Variants in CAST observed in about 807,000 individuals in gnomAD.
The protein encoded by CAST is calpastatin.
A neutral mutation model predicts 119.6 loss-of-function variants in CAST; 76 were observed. That is an observed-to-expected ratio of 0.64 (90% CI 0.53 to 0.77). The LOEUF is 0.77. CAST is among the 30% of genes least tolerant of loss of function. The pLI, the probability that CAST is intolerant of heterozygous loss-of-function variation, is 0.00. For missense variants in CAST, 953 were observed against 946.5 expected, an observed-to-expected ratio of 1.01 and a Z score of -0.09; for synonymous variants, 319 against 331.6, an observed-to-expected ratio of 0.96 and a Z score of 0.41.
the CAST span, among the ~76,000 whole-genome samples, chr5:96,259,979 A>T: frequency 3.3e-5 from 5 of 152,094 alleles, no homozygotes; most frequent in East Asian, 9.7e-4. Context: ...CTTCTATTTA[A>T]CAATTTACTC....
At chr5:96,700,420 G>T (rs947331182) in intron 3 of CAST, among the ~76,000 whole-genome samples, 4 of 152,074 alleles carry the variant, frequency 2.6e-5, no homozygotes, top group Non-Finnish European at 5.9e-5. Flanking sequence ...AATAACCAGG[G>T]CTTGAGAAAT....
chr5:96,742,273 G>A (rs1762847906), intron 15 of CAST: 1 of 164,420 alleles, frequency 6.1e-6, no homozygotes, highest in Admixed American at 6.1e-5. Flanking sequence ...TAGGTTGTCA[G>A]AAGCCTTTTT....
chr5:96,289,765 G>A, the CAST span, among the ~76,000 whole-genome samples: 19 of 152,128 alleles, frequency 1.2e-4, no homozygotes, highest in Non-Finnish European at 2.2e-4. Context: ...TTTCTCACGT[G>A]ATAATTGGAA....
the CAST span, among the ~76,000 whole-genome samples, chr5:96,178,463 C>T: frequency 2.6e-5 from 4 of 152,162 alleles, no homozygotes; most frequent in Admixed American, 2.6e-4. Flanking sequence ...TTAAAAAATA[C>T]TCAGTTCTCC....
At chr5:96,318,915 T>C in the CAST span, 10 of 152,338 alleles carry the variant, frequency 6.6e-5, no homozygotes, top group African/African-American at 1.9e-4. Context: ...ATTTACTCTT[T>C]TAAGTCTCAT....
the CAST span, among the ~76,000 whole-genome samples, chr5:96,302,086 C>G: frequency 6.6e-6 from 1 of 152,286 alleles, no homozygotes; most frequent in Admixed American, 6.5e-5. Context: ...TGGAGGATCC[C>G]AAGCCTCAAC....
chr5:96,411,732 A>G, the CAST span, among the ~76,000 whole-genome samples: 1 of 152,244 alleles, frequency 6.6e-6, no homozygotes, highest in African/African-American at 2.4e-5. Context: ...AATGTCCAGA[A>G]GCACTTTTAA....
chr5:96,393,142 C>G, the CAST span: 4 of 1,614,136 alleles, frequency 2.5e-6, no homozygotes, highest in Admixed American at 6.7e-5. Flanking sequence ...AAGGTTTGTT[C>G]AGCTTTTCCA....
At chr5:96,266,762 T>G in the CAST span, among the ~76,000 whole-genome samples, 23 of 152,304 alleles carry the variant, frequency 1.5e-4, no homozygotes, top group Non-Finnish European at 1.6e-4. Flanking sequence ...TGCAATGATA[T>G]AGATGTACAT....
chr5:96,472,427 T>G, the CAST span, among the ~76,000 whole-genome samples: 1 of 152,216 alleles, frequency 6.6e-6, no homozygotes. Context: ...TTGTGTGTGT[T>G]GCTATATTCC....
chr5:95,998,546 C>G, the CAST span, among the ~76,000 whole-genome samples: 1 of 152,152 alleles, frequency 6.6e-6, no homozygotes, highest in East Asian at 1.9e-4. Context: ...TTCACTTAGA[C>G]TAATGGCCTC....
rs780842817 is a variant in CAST, at chr5:96,770,554, C to T, written c.2292C>T (p.Ser764=). The change falls in exon 30 of 32, where the codon TCC becomes TCT. Residue 764 remains serine, a synonymous_variant. Transcript: ENST00000675179. The part of the protein sequence containing the change: ...TAKDKCKKAA[S]SSKAPKNGGK... Reference sequence around the variant, plus strand: ...AGGATAAGTGCAAGAAGGCTGCTTCCAGCTCCAAAGCACCTAAGAATGGAG... The same window carrying T: ...AGGATAAGTGCAAGAAGGCTGCTTCTAGCTCCAAAGCACCTAAGAATGGAG... The T allele has an allele frequency of 2.4e-5, 38 of 1,612,912 alleles. No homozygotes were observed. Among genetic ancestry groups the T allele is most frequent in the Non-Finnish European group, 3.1e-5 (37 of 1,179,160 alleles).
chr5:96,446,179 C>A, the CAST span, among the ~76,000 whole-genome samples: 955 of 113,160 alleles, frequency 8.4e-3, no homozygotes, highest in Admixed American at 1.0e-2. Flanking sequence ...TTTTAGTGTA[C>A]AAAAAAAAAA....
the CAST span, among the ~76,000 whole-genome samples, chr5:96,415,213 C>T: frequency 3.9e-5 from 6 of 152,172 alleles, no homozygotes; most frequent in African/African-American, 1.2e-4. Flanking sequence ...GCTCTGTCTT[C>T]CCATTGGGTT....
upstream of CAST, among the ~76,000 whole-genome samples, chr5:96,660,865 G>A (rs566644973): frequency 2.0e-5 from 3 of 151,926 alleles, no homozygotes; most frequent in African/African-American, 7.2e-5. Flanking sequence ...CAATATCTAA[G>A]TTGTTTCATT....
At chr5:96,001,229 A>G in the CAST span, among the ~76,000 whole-genome samples, 1 of 152,238 alleles carries the variant, frequency 6.6e-6, no homozygotes, top group Non-Finnish European at 1.5e-5. Context: ...AGGTAAGAAA[A>G]AGATACCAGA....
chr5:96,599,868 T>C (rs968193049), intron 1 of CAST, among the ~76,000 whole-genome samples: 2 of 151,986 alleles, frequency 1.3e-5, no homozygotes, highest in Admixed American at 1.3e-4. Context: ...CTTTTTCCTT[T>C]TTCTGCTCTT....
At chr5:96,122,985 G>A in the CAST span, among the ~76,000 whole-genome samples, 1 of 152,022 alleles carries the variant, frequency 6.6e-6, no homozygotes. Context: ...TCTATACCCA[G>A]AGCACAAGAA....
At chr5:96,236,111 G>GTCTGTCTATCTATCTA in the CAST span, among the ~76,000 whole-genome samples, 64 of 151,770 alleles carry the variant, frequency 4.2e-4, no homozygotes, top group African/African-American at 1.5e-3. Context: ...CTGTCTGTCT[G>GTCTGTCTATCTATCTA]TCTATCTATC....
Sources: gnomAD v4.1 joint callset for allele counts (sites outside exome capture counted in the v4.1 genomes callset) on GRCh38, gnomAD v4.1.1 for gene constraint, MANE v1.5 for transcripts, NCBI Gene and HGNC (gene_info 2026-07-23, HGNC 2026-07-21) for gene names.